Variants in CSMD3 observed in about 807,000 individuals in gnomAD.
CSMD3 encodes the protein CUB and Sushi multiple domains 3.
Under a neutral mutation model 435.2 loss-of-function variants are expected in CSMD3, and 177 were observed. That is an observed-to-expected ratio of 0.41 (90% CI 0.36 to 0.46). The LOEUF is 0.46. Among genes scored for constraint, CSMD3 ranks in the 20% least tolerant of loss-of-function variants. CSMD3 has a pLI of 0.34. For missense variants in CSMD3, 4,265 were observed against 4,504.6 expected, an observed-to-expected ratio of 0.95 and a Z score of 1.52; for synonymous variants, 1,656 against 1,520.5, an observed-to-expected ratio of 1.09 and a Z score of -2.07.
chr8:112,276,461 G>C (rs1439620750), intron 59 of CSMD3, among the ~76,000 whole-genome samples: 1 of 152,118 alleles, frequency 6.6e-6, no homozygotes, highest in East Asian at 1.9e-4. Context: ...CCAACCCCAT[G>C]TTTCTCTTCA....
At chr8:113,419,111 GT>G (rs886989883) in intron 1 of CSMD3, among the ~76,000 whole-genome samples, 3 of 143,120 alleles carry the variant, frequency 2.1e-5, no homozygotes, top group Non-Finnish European at 3.0e-5. Flanking sequence ...GTATACACTT[GT>G]TTTTTTTGGT....
chr8:112,691,748 G>A (rs907374998), intron 13 of CSMD3, among the ~76,000 whole-genome samples: 1 of 151,922 alleles, frequency 6.6e-6, no homozygotes, highest in African/African-American at 2.4e-5. Context: ...TTTATTAGGT[G>A]GCTTAAAGAA....
chr8:113,211,379 G>T (rs1205406905), intron 3 of CSMD3, among the ~76,000 whole-genome samples: 1 of 152,100 alleles, frequency 6.6e-6, no homozygotes, highest in Admixed American at 6.6e-5. Context: ...TAAATAATTT[G>T]TTTGTAAAAC....
At chr8:112,592,968 A>G (rs11988948) in intron 22 of CSMD3, among the ~76,000 whole-genome samples, 87,543 of 151,894 alleles carry the variant, frequency 0.58, 25,804 homozygotes, top group African/African-American at 0.69. Context: ...TATTTTAAAG[A>G]AGCCACAAGA....
At chr8:113,177,055 T>C (rs995978280) in intron 3 of CSMD3, among the ~76,000 whole-genome samples, 6 of 151,694 alleles carry the variant, frequency 4.0e-5, no homozygotes, top group African/African-American at 9.6e-5. Context: ...ATTTTATATA[T>C]TTAAATATAT....
chr8:113,117,434 T>C (rs1269497489), intron 4 of CSMD3, among the ~76,000 whole-genome samples: 2 of 152,228 alleles, frequency 1.3e-5, no homozygotes, highest in African/African-American at 4.8e-5. Context: ...TGGCAACACC[T>C]GGATGTCCAG....
chr8:112,492,342 A>T lies in CSMD3; in HGVS notation c.5278+147T>A. Reference sequence around the variant, plus strand: ...CCAGGTCTTTATTGAATTCAACTTTAAAATGTTTGATAAAATCTCTGCATT... The same window carrying T: ...CCAGGTCTTTATTGAATTCAACTTTTAAATGTTTGATAAAATCTCTGCATT... On this transcript the variant is annotated intron_variant, in intron 31 of 70. Transcript: ENST00000297405. The T allele has an allele frequency of 4.3e-6, 3 of 703,414 alleles. No individual in the cohort carries two copies. In the South Asian group the frequency reaches 5.2e-5, roughly 12 times the overall value. The allele number at this position is 703,414 out of a possible 1,614,324, so 43.6% of individuals were successfully genotyped here. A position where few individuals can be genotyped will look rare whatever the true frequency, so the allele number is the denominator to read the frequency against.
chr8:112,587,010 A>G, intron 23 of CSMD3, 56 bp downstream of exon 23: 2 of 1,164,178 alleles, frequency 1.7e-6, no homozygotes, highest in Non-Finnish European at 2.6e-6. Context: ...TTATCTATTG[A>G]TGTATATTTA....
At chr8:112,733,375 TGTTA>T (rs1399208294) in intron 13 of CSMD3, among the ~76,000 whole-genome samples, 1 of 137,358 alleles carries the variant, frequency 7.3e-6, no homozygotes, top group African/African-American at 3.0e-5. Context: ...CATAAGTGCT[TGTTA>T]GTTTTTTTTT....
chr8:112,227,978 G>A (rs1256189639), intron 70 of CSMD3, among the ~76,000 whole-genome samples: 1 of 152,088 alleles, frequency 6.6e-6, no homozygotes, highest in Non-Finnish European at 1.5e-5. Context: ...GGAGGCAGAT[G>A]TTACAGTGAG....
intron 18 of CSMD3, among the ~76,000 whole-genome samples, chr8:112,655,805 T>C (rs2075242771): frequency 1.3e-5 from 2 of 152,076 alleles, no homozygotes; most frequent in African/African-American, 2.4e-5. Flanking sequence ...AAGTAAATGC[T>C]AAAAATGTTA....
intron 1 of CSMD3, among the ~76,000 whole-genome samples, chr8:113,377,432 A>G (rs2094392991): frequency 6.6e-6 from 1 of 152,206 alleles, no homozygotes; most frequent in African/African-American, 2.4e-5. Flanking sequence ...ATTTTTGGAG[A>G]TGCTGATAAG....
intron 22 of CSMD3, among the ~76,000 whole-genome samples, chr8:112,591,123 G>T (rs748472983): frequency 6.6e-6 from 1 of 152,072 alleles, no homozygotes. Context: ...TATTTTCTGT[G>T]CAATTTCCAG....
At chr8:113,229,584 G>A (rs2093062775) in intron 3 of CSMD3, among the ~76,000 whole-genome samples, 2 of 151,544 alleles carry the variant, frequency 1.3e-5, no homozygotes, top group South Asian at 4.1e-4. Flanking sequence ...TAAGGCAGAT[G>A]TAACCTGAGC....
intron 33 of CSMD3, among the ~76,000 whole-genome samples, 156 bp downstream of exon 33, chr8:112,408,763 A>T (rs1176286326): frequency 6.6e-6 from 1 of 151,760 alleles, no homozygotes; most frequent in Non-Finnish European, 1.5e-5. Flanking sequence ...TTCTGAGTTA[A>T]TTTTGTTTCT....
At chr8:112,237,128 A>G (rs886547028) in intron 67 of CSMD3, 62 bp downstream of exon 67, 8 of 1,522,380 alleles carry the variant, frequency 5.3e-6, no homozygotes, top group East Asian at 4.5e-5. Context: ...ACTAAAAATG[A>G]TGAAATCATA....
intron 5 of CSMD3, among the ~76,000 whole-genome samples, chr8:113,059,560 T>G (rs543656591): frequency 6.6e-6 from 1 of 152,312 alleles, no homozygotes; most frequent in Non-Finnish European, 1.5e-5. Context: ...AAAAGGAAAC[T>G]ACTATTTAAA....
chr8:113,095,666 G>GA (rs1024064922), intron 5 of CSMD3, among the ~76,000 whole-genome samples: 17 of 149,770 alleles, frequency 1.1e-4, no homozygotes, highest in South Asian at 2.1e-4. Flanking sequence ...AAAAATATCT[G>GA]AAAAAAAAAT....
intron 13 of CSMD3, among the ~76,000 whole-genome samples, chr8:112,770,216 T>G (rs192693098): frequency 8.5e-4 from 130 of 152,122 alleles, no homozygotes; most frequent in African/African-American, 3.0e-3. Context: ...AGAATTCATG[T>G]TAAAATTTAA....
Sources: allele counts gnomAD v4.1 joint callset (sites outside exome capture counted in the v4.1 genomes callset), GRCh38; gene constraint gnomAD v4.1.1; transcripts MANE v1.5; gene names NCBI Gene and HGNC (gene_info 2026-07-23, HGNC 2026-07-21).